SYT9: variants seen among roughly 807,000 people sequenced by gnomAD.
SYT9 encodes the protein synaptotagmin-9.
SYT9 carries 22 observed loss-of-function variants against 48.4 expected under a neutral mutation model. The ratio of observed to expected loss-of-function variants is 0.45; its 90% CI spans 0.32 to 0.65. SYT9 has a LOEUF of 0.65. SYT9 is among the 30% of genes least tolerant of loss of function. The probability of loss-of-function intolerance (pLI) is 0.03; values close to 1 mark genes in which losing one functional copy is unlikely to be tolerated. For synonymous variants in SYT9, 265 were observed against 245.0 expected (o/e 1.08, Z -0.76); for missense variants, 577 against 622.0 (o/e 0.93, Z 0.77).
chr11:7,280,791 G>C (rs562575500), intron 1 of SYT9, among the ~76,000 whole-genome samples: 1 of 150,006 alleles, frequency 6.7e-6, no homozygotes, highest in Non-Finnish European at 1.5e-5. Context: ...TACTATAGAC[G>C]TAAGTGGAGA....
intron 1 of SYT9, among the ~76,000 whole-genome samples, chr11:7,293,044 C>T (rs1235160759): frequency 6.6e-6 from 1 of 152,146 alleles, no homozygotes; most frequent in African/African-American, 2.4e-5. Context: ...AGCACCCCTG[C>T]CCCATCCGGG....
chr11:7,446,960 C>T (rs1847944997), intron 6 of SYT9, among the ~76,000 whole-genome samples: 1 of 152,244 alleles, frequency 6.6e-6, no homozygotes, highest in Admixed American at 6.5e-5. Flanking sequence ...ATCGCCAGGG[C>T]TGTCCACCTC....
Position 7,438,072 on chromosome 11 carries a change from A to T in SYT9, c.1467+17437A>T, listed in dbSNP as rs575155229. ...GTAAAGAGTCTGGTGGGGGAGTCTGACAGGAAATTGTTCCAGTGTAATAGT... is the reference window on the plus strand; with the variant it reads ...GTAAAGAGTCTGGTGGGGGAGTCTGTCAGGAAATTGTTCCAGTGTAATAGT... On this transcript the variant is annotated intron_variant, in intron 6 of 6. Coordinates refer to ENST00000318881, the MANE Select transcript of SYT9 (RefSeq NM_175733.4). 19 of 152,352 alleles carry T rather than the reference A, an allele frequency of 1.2e-4. No individual in the cohort carries two copies. The South Asian group carries it at 2.3e-3, about 18-fold the overall frequency. 9.4% of individuals were successfully genotyped at this position (152,352 alleles called of 1,614,324 possible). A position where few individuals can be genotyped will look rare whatever the true frequency, so the allele number is the denominator to read the frequency against.
intron 3 of SYT9, among the ~76,000 whole-genome samples, chr11:7,325,871 C>A (rs1306520792): frequency 4.7e-5 from 3 of 63,230 alleles, no homozygotes; most frequent in Non-Finnish European, 5.8e-5. Flanking sequence ...TTGAGATAAT[C>A]ATGTGGTTTT....
chr11:7,295,526 T>A (rs1315748076), intron 1 of SYT9, among the ~76,000 whole-genome samples: 1 of 152,228 alleles, frequency 6.6e-6, no homozygotes, highest in Non-Finnish European at 1.5e-5. Flanking sequence ...AGCTTGAGGC[T>A]TTCTCTACAG....
At chr11:7,336,000 G>A (rs755188668) in intron 3 of SYT9, among the ~76,000 whole-genome samples, 2 of 152,014 alleles carry the variant, frequency 1.3e-5, no homozygotes, top group East Asian at 1.9e-4. Context: ...CCTTGCCAGC[G>A]TCTGTTATTT....
At chr11:7,369,794 A>AAACACACACAC (rs1564879657) in intron 3 of SYT9, among the ~76,000 whole-genome samples, 16,729 of 143,380 alleles carry the variant, frequency 0.12, 1,067 homozygotes, top group South Asian at 0.16. Context: ...CACACACACA[A>AAACACACACAC]ACACACACAC....
At chr11:7,462,551 A>T (rs955961637) in intron 6 of SYT9, among the ~76,000 whole-genome samples, 1 of 152,190 alleles carries the variant, frequency 6.6e-6, no homozygotes, top group Non-Finnish European at 1.5e-5. Flanking sequence ...GCGCGTGATA[A>T]TTTTTCATAT....
chr11:7,283,209 G>A (rs1848534455), intron 1 of SYT9, among the ~76,000 whole-genome samples: 1 of 149,990 alleles, frequency 6.7e-6, no homozygotes, highest in African/African-American at 2.5e-5. Context: ...TTATATATAT[G>A]TTATATATGT....
intron 3 of SYT9, among the ~76,000 whole-genome samples, chr11:7,340,108 G>T (rs1272956696): frequency 2.6e-5 from 4 of 152,040 alleles, no homozygotes; most frequent in African/African-American, 9.7e-5. Flanking sequence ...CAAAAAGCCA[G>T]TCTAAAAGTT....
intron 3 of SYT9, among the ~76,000 whole-genome samples, chr11:7,404,279 C>G (rs1846960019): frequency 6.6e-6 from 1 of 152,000 alleles, no homozygotes; most frequent in Admixed American, 6.6e-5. Flanking sequence ...AGGTTCAGAC[C>G]ATTCACATTT....
At chr11:7,397,383 T>C (rs1201943672) in intron 3 of SYT9, among the ~76,000 whole-genome samples, 2 of 152,186 alleles carry the variant, frequency 1.3e-5, no homozygotes, top group African/African-American at 2.4e-5. Context: ...TTGAGTGCTA[T>C]GTCTGTCCTT....
chr11:7,292,328 C>G (rs941735990), intron 1 of SYT9, among the ~76,000 whole-genome samples: 1 of 152,180 alleles, frequency 6.6e-6, no homozygotes, highest in African/African-American at 2.4e-5. Context: ...TGAGCCAATA[C>G]AGTAGTGCCA....
intron 3 of SYT9, among the ~76,000 whole-genome samples, chr11:7,402,434 A>C (rs1198236581): frequency 1.3e-5 from 2 of 152,114 alleles, no homozygotes; most frequent in African/African-American, 4.8e-5. Flanking sequence ...GCAGTGTTTA[A>C]ATCTCTAACT....
chr11:7,380,429 A>G (rs971358013), intron 3 of SYT9, among the ~76,000 whole-genome samples: 2 of 152,110 alleles, frequency 1.3e-5, no homozygotes, highest in African/African-American at 4.8e-5. Flanking sequence ...TAAAAAGTAT[A>G]ATTGGATTAT....
At chr11:7,408,829 A>T (rs1291727861) in intron 3 of SYT9, among the ~76,000 whole-genome samples, 1 of 151,744 alleles carries the variant, frequency 6.6e-6, no homozygotes, top group Non-Finnish European at 1.5e-5. Flanking sequence ...CATTTTTTTT[A>T]ATTTGTTTTC....
chr11:7,355,240 G>T (rs530358836), intron 3 of SYT9, among the ~76,000 whole-genome samples: 1 of 152,288 alleles, frequency 6.6e-6, no homozygotes, highest in South Asian at 2.1e-4. Context: ...CAGGACACAG[G>T]TGTGCCACTA....
chr11:7,309,762 C>T (rs56025903), intron 2 of SYT9, among the ~76,000 whole-genome samples: 5,868 of 152,266 alleles, frequency 0.039, 165 homozygotes, highest in African/African-American at 0.08. Flanking sequence ...TGCTCCACTT[C>T]CTTATTTTCA....
At chr11:7,287,848 G>A (rs1453514607) in intron 1 of SYT9, among the ~76,000 whole-genome samples, 6 of 152,028 alleles carry the variant, frequency 3.9e-5, no homozygotes, top group Non-Finnish European at 7.4e-5. Flanking sequence ...AAACATCTAG[G>A]AATTCCCAAG....
Sources: gnomAD v4.1 joint callset for allele counts (sites outside exome capture counted in the v4.1 genomes callset) on GRCh38, gnomAD v4.1.1 for gene constraint, MANE v1.5 for transcripts, NCBI Gene and HGNC (gene_info 2026-07-23, HGNC 2026-07-21) for gene names.